GRIK2: variants seen among roughly 807,000 people sequenced by gnomAD.
The protein encoded by GRIK2 is glutamate receptor ionotropic, kainate 2.
In GRIK2, 32 loss-of-function variants were observed where a neutral mutation model predicts 100.3. The observed-to-expected ratio is 0.32, with a 90% CI of 0.24 to 0.43. The LOEUF (loss-of-function observed/expected upper bound fraction) is 0.43, where lower values mean the gene tolerates loss of function less well. Ranked by LOEUF, GRIK2 falls within the 20% of genes least tolerant of loss-of-function variation. The probability of loss-of-function intolerance (pLI) is 1.00; values close to 1 mark genes in which losing one functional copy is unlikely to be tolerated. For missense variants in GRIK2, 843 were observed against 1,114.9 expected, an observed-to-expected ratio of 0.76 and a Z score of 3.47; for synonymous variants, 417 against 389.4, an observed-to-expected ratio of 1.07 and a Z score of -0.83.
chr6:101,779,043 A>G (rs113263518), intron 7 of GRIK2, among the ~76,000 whole-genome samples: 1,914 of 152,246 alleles, frequency 0.013, 37 homozygotes, highest in African/African-American at 0.043. Flanking sequence ...CAAAATATTA[A>G]TGTCAATTTT....
intron 1 of GRIK2, among the ~76,000 whole-genome samples, chr6:101,395,141 G>A (rs940193040): frequency 1.3e-5 from 2 of 152,216 alleles, no homozygotes; most frequent in Non-Finnish European, 2.9e-5. Context: ...AGAAGAGTGA[G>A]TTGCAAGTAT....
chr6:101,525,564 T>A (rs1775110401), intron 2 of GRIK2, among the ~76,000 whole-genome samples: 1 of 152,202 alleles, frequency 6.6e-6, no homozygotes, highest in African/African-American at 2.4e-5. Context: ...CTCTCCTTAT[T>A]TTCAAACACC....
intron 7 of GRIK2, among the ~76,000 whole-genome samples, chr6:101,701,424 C>G (rs536484707): frequency 2.2e-4 from 34 of 152,122 alleles, no homozygotes; most frequent in African/African-American, 7.9e-4. Context: ...CTGGTTCCGG[C>G]TTTCAAGCAA....
At chr6:101,580,351 G>C (rs1465190180) in intron 2 of GRIK2, among the ~76,000 whole-genome samples, 2 of 152,224 alleles carry the variant, frequency 1.3e-5, no homozygotes, top group South Asian at 2.1e-4. Context: ...AACATTTGAA[G>C]TCATTTTTAA....
intron 2 of GRIK2, among the ~76,000 whole-genome samples, chr6:101,579,777 G>A (rs1378530560): frequency 1.3e-5 from 2 of 151,438 alleles, no homozygotes; most frequent in Non-Finnish European, 2.9e-5. Flanking sequence ...CTTGAACCCA[G>A]GAGGCGGAGG....
At chr6:101,845,150 G>A (rs904955051) in intron 10 of GRIK2, among the ~76,000 whole-genome samples, 10 of 152,040 alleles carry the variant, frequency 6.6e-5, no homozygotes, top group African/African-American at 2.2e-4. Flanking sequence ...CTCCCAAGTA[G>A]CTAGGACTGC....
chr6:101,625,032 A>G (rs1345337401), intron 3 of GRIK2, among the ~76,000 whole-genome samples: 1 of 151,940 alleles, frequency 6.6e-6, no homozygotes, highest in Non-Finnish European at 1.5e-5. Context: ...GGCCTCCCGA[A>G]GTGCTGGGAT....
intron 2 of GRIK2, among the ~76,000 whole-genome samples, chr6:101,522,805 AAGCTCCAT>A (rs1272574669): frequency 6.6e-6 from 1 of 151,960 alleles, no homozygotes; most frequent in African/African-American, 2.4e-5. Flanking sequence ...TCTACATTGT[AAGCTCCAT>A]GGCTCCATGA....
chr6:101,514,376 G>A (rs1774473454), intron 2 of GRIK2, among the ~76,000 whole-genome samples: 1 of 151,948 alleles, frequency 6.6e-6, no homozygotes, highest in African/African-American at 2.4e-5. Context: ...TAGTTTAATA[G>A]CCAAGAAGGA....
At chr6:101,815,339 A>G (rs534037780) in intron 9 of GRIK2, among the ~76,000 whole-genome samples, 2 of 152,318 alleles carry the variant, frequency 1.3e-5, no homozygotes, top group Admixed American at 6.5e-5. Context: ...ACAAGAAGAA[A>G]TCAAAGAGCC....
intron 10 of GRIK2, among the ~76,000 whole-genome samples, chr6:101,823,839 G>A (rs1583214244): frequency 2.8e-5 from 4 of 144,800 alleles, no homozygotes; most frequent in Admixed American, 2.8e-4. Context: ...AACAGGTGAT[G>A]TTTGTTTACA....
At chr6:101,590,726 T>G (rs1778604370) in intron 2 of GRIK2, among the ~76,000 whole-genome samples, 1 of 152,048 alleles carries the variant, frequency 6.6e-6, no homozygotes, top group South Asian at 2.1e-4. Context: ...GAGCTTACAA[T>G]TTGGCCCCTT....
intron 15 of GRIK2, among the ~76,000 whole-genome samples, chr6:102,053,016 C>G (rs1351110397): frequency 6.6e-6 from 1 of 151,812 alleles, no homozygotes; most frequent in Non-Finnish European, 1.5e-5. Context: ...TGCAGTGAGC[C>G]AAGATCCCAC....
chr6:101,597,113 A>G (rs1334408645), intron 2 of GRIK2, among the ~76,000 whole-genome samples: 3 of 151,920 alleles, frequency 2.0e-5, no homozygotes, highest in Non-Finnish European at 4.4e-5. Flanking sequence ...GCTGGAGGTC[A>G]TTATCCTAAG....
chr6:101,869,638 T>C (rs915534423), intron 11 of GRIK2, among the ~76,000 whole-genome samples: 1 of 151,820 alleles, frequency 6.6e-6, no homozygotes. Context: ...ATAGAGCAAA[T>C]AGTCTCACTG....
intron 14 of GRIK2, among the ~76,000 whole-genome samples, chr6:101,961,206 G>A (rs568884798): frequency 7.9e-5 from 12 of 152,164 alleles, no homozygotes; most frequent in African/African-American, 2.4e-4. Flanking sequence ...GTAACTGAGG[G>A]TTCCAGCAAA....
At chr6:101,721,770 A>T (rs572786784) in intron 7 of GRIK2, among the ~76,000 whole-genome samples, 1 of 151,912 alleles carries the variant, frequency 6.6e-6, no homozygotes, top group African/African-American at 2.4e-5. Flanking sequence ...TCTTAACCCT[A>T]TGGAATTCTG....
chr6:101,396,351 A>G (rs1044947039), intron 1 of GRIK2, among the ~76,000 whole-genome samples: 9 of 152,052 alleles, frequency 5.9e-5, no homozygotes, highest in African/African-American at 2.2e-4. Context: ...AGTGATAACT[A>G]ATTGTACATT....
At chr6:101,522,476 G>A (rs770765205) in intron 2 of GRIK2, among the ~76,000 whole-genome samples, 9 of 152,014 alleles carry the variant, frequency 5.9e-5, no homozygotes, top group South Asian at 2.1e-4. Flanking sequence ...TTAATGTGTC[G>A]CTTTCCAGTT....
Sources: gnomAD v4.1 joint callset for allele counts (sites outside exome capture counted in the v4.1 genomes callset) on GRCh38, gnomAD v4.1.1 for gene constraint, MANE v1.5 for transcripts, NCBI Gene and HGNC (gene_info 2026-07-23, HGNC 2026-07-21) for gene names.